CDH13: variants seen among roughly 807,000 people sequenced by gnomAD.
The protein encoded by CDH13 is cadherin-13.
In CDH13, 24 loss-of-function variants were observed where a neutral mutation model predicts 63.8. The ratio of observed to expected loss-of-function variants is 0.38; its 90% CI spans 0.27 to 0.53. The LOEUF is 0.53. Among genes scored for constraint, CDH13 ranks in the 20% least tolerant of loss-of-function variants. The pLI is 0.85. For synonymous variants in CDH13, 503 were observed against 355.3 expected (o/e 1.42, Z -4.67); for missense variants, 1,049 against 903.1 (o/e 1.16, Z -2.07).
chr16:83,656,943 C>G (rs1000288733), intron 8 of CDH13, among the ~76,000 whole-genome samples: 7 of 152,214 alleles, frequency 4.6e-5, no homozygotes, highest in African/African-American at 9.7e-5. Context: ...GGAATGCCAG[C>G]TCTTGGGCTC....
rs940191722 is a variant in CDH13 at position 82,808,771 on chromosome 16, G to A, written c.46-49591G>A. ...GAAAATTGAGGCACAAAGGGGTTAA[G>A]CAGTCTTCCCAAACTTACCCAGTTA... is the stretch of plus-strand genomic sequence containing the variant. On this transcript the variant is annotated intron_variant, in intron 1 of 13. Transcript: ENST00000567109. 4.6e-5 allele frequency among the ~76,000 whole-genome samples: 7 copies of A among 152,132 alleles called. No homozygotes were observed. In the East Asian group the frequency reaches 1.3e-3, roughly 29 times the overall value.
intron 10 of CDH13, among the ~76,000 whole-genome samples, chr16:83,709,210 A>G (rs1318090344): frequency 6.6e-6 from 1 of 152,188 alleles, no homozygotes; most frequent in African/African-American, 2.4e-5. Flanking sequence ...TCTGCCCTGA[A>G]GATTCTAAAA....
Position 83,265,727 on chromosome 16 carries a change from C to CTTTTTTTTTTTTTTTTTTTTTTT in CDH13, c.636+48234_636+48256dup, listed in dbSNP as rs71272416. 7.1e-5 allele frequency among the ~76,000 whole-genome samples: 3 copies of CTTTTTTTTTTTTTTTTTTTTTTT among 42,542 alleles called. 1 individual carries two copies. The highest frequency in any genetic ancestry group is 2.3e-4 in the African/African-American group (2 of 8,584). 27.9% of individuals were successfully genotyped at this position (42,542 alleles called of 152,430 possible). A position where few individuals can be genotyped will look rare whatever the true frequency, so the allele number is the denominator to read the frequency against. On this transcript the variant is annotated intron_variant, in intron 5 of 13. Transcript: ENST00000567109. Reference sequence around the variant, plus strand: ...GTTTTCTGTTGCTTCTAAATTTCTGCTTTTTTTTTTTTTTTTTTTTTTTTT... The same window carrying CTTTTTTTTTTTTTTTTTTTTTTT: ...GTTTTCTGTTGCTTCTAAATTTCTGCTTTTTTTTTTTTTTTTTTTTTTTTTTTTTTTTTTTTTTTTTTTTTTTT...
chr16:82,781,264 A>C (rs2151114830), intron 1 of CDH13, among the ~76,000 whole-genome samples: 1 of 152,310 alleles, frequency 6.6e-6, no homozygotes, highest in South Asian at 2.1e-4. Flanking sequence ...CTATAGCTTG[A>C]AATTACAGCA....
chr16:83,087,647 G>A (rs947786165), intron 3 of CDH13, among the ~76,000 whole-genome samples: 2 of 113,246 alleles, frequency 1.8e-5, no homozygotes, highest in African/African-American at 6.9e-5. Context: ...CAGCCCGGGC[G>A]ACGAAGCAAG....
chr16:82,631,179 C>T (rs1353292631), intron 1 of CDH13, among the ~76,000 whole-genome samples: 1 of 152,164 alleles, frequency 6.6e-6, no homozygotes, highest in Non-Finnish European at 1.5e-5. Context: ...CATTCTTTGA[C>T]TCTGTATCCC....
chr16:82,883,635 T>TC (rs1320842262), intron 2 of CDH13, among the ~76,000 whole-genome samples: 1 of 152,186 alleles, frequency 6.6e-6, no homozygotes, highest in African/African-American at 2.4e-5. Context: ...AAATTTCAGT[T>TC]CCTCATCTCT....
At chr16:83,265,034 G>C (rs74531952) in intron 5 of CDH13, among the ~76,000 whole-genome samples, 1 of 151,984 alleles carries the variant, frequency 6.6e-6, no homozygotes, top group Non-Finnish European at 1.5e-5. Flanking sequence ...CATTTGTTTA[G>C]TGTTCTATGT....
At chr16:83,786,561 TTTTC>T (rs1293972950) in intron 13 of CDH13, among the ~76,000 whole-genome samples, 1 of 147,582 alleles carries the variant, frequency 6.8e-6, no homozygotes, top group Non-Finnish European at 1.5e-5. Flanking sequence ...TTTGTCTTTC[TTTTC>T]TTTTTTTCCT....
At chr16:82,800,163 T>C (rs1567548262) in intron 1 of CDH13, among the ~76,000 whole-genome samples, 1 of 152,216 alleles carries the variant, frequency 6.6e-6, no homozygotes, top group Non-Finnish European at 1.5e-5. Context: ...ACTTTTCCTT[T>C]ATGTGTTTAC....
intron 5 of CDH13, among the ~76,000 whole-genome samples, chr16:83,309,344 G>T (rs149223603): frequency 2.6e-5 from 4 of 151,594 alleles, no homozygotes; most frequent in Non-Finnish European, 5.9e-5. Flanking sequence ...TCCTTTGAGG[G>T]TCCAGGTCAG....
chr16:83,319,342 G>C (rs1234811534), intron 5 of CDH13, among the ~76,000 whole-genome samples: 1 of 152,180 alleles, frequency 6.6e-6, no homozygotes, highest in Non-Finnish European at 1.5e-5. Context: ...TTCTCTGCCA[G>C]CAAAGGTAGC....
chr16:82,760,677 C>T (rs141997682), intron 1 of CDH13, among the ~76,000 whole-genome samples: 2 of 152,044 alleles, frequency 1.3e-5, no homozygotes, highest in South Asian at 2.1e-4. Context: ...CCTGAGGCCG[C>T]GTAATATTTA....
At chr16:83,294,110 C>A (rs1435560359) in intron 5 of CDH13, among the ~76,000 whole-genome samples, 1 of 151,782 alleles carries the variant, frequency 6.6e-6, no homozygotes, top group African/African-American at 2.4e-5. Flanking sequence ...CCTTTCTTTT[C>A]TAAAATTGAC....
intron 1 of CDH13, among the ~76,000 whole-genome samples, chr16:82,677,042 G>C (rs1406594275): frequency 6.6e-6 from 1 of 151,980 alleles, no homozygotes; most frequent in Non-Finnish European, 1.5e-5. Flanking sequence ...TGCCACCACA[G>C]CCAGCTAATT....
intron 6 of CDH13, among the ~76,000 whole-genome samples, chr16:83,422,192 TC>T (rs1458860076): frequency 6.6e-6 from 1 of 152,216 alleles, no homozygotes; most frequent in African/African-American, 2.4e-5. Context: ...TCTGGATTTT[TC>T]CATAATACTA....
At chr16:83,326,849 ACTCCTAAGC>A (rs2090374134) in intron 5 of CDH13, among the ~76,000 whole-genome samples, 1 of 152,016 alleles carries the variant, frequency 6.6e-6, no homozygotes, top group Non-Finnish European at 1.5e-5. Flanking sequence ...CCCTGTCTGT[ACTCCTAAGC>A]CCAGAACCTA....
At chr16:83,145,952 GGGAGGCCGAGGCGGGT>G (rs1178197933) in intron 4 of CDH13, among the ~76,000 whole-genome samples, 1 of 152,118 alleles carries the variant, frequency 6.6e-6, no homozygotes, top group Non-Finnish European at 1.5e-5. Context: ...CTGGAACTTT[GGGAGGCCGAGGCGGGT>G]GGATTACCTG....
chr16:83,627,708 T>A (rs966361395), intron 8 of CDH13, among the ~76,000 whole-genome samples: 3 of 152,086 alleles, frequency 2.0e-5, no homozygotes, highest in Non-Finnish European at 4.4e-5. Context: ...ACGCCACTGT[T>A]ACCGGAAAGA....
Sources: allele counts gnomAD v4.1 joint callset (sites outside exome capture counted in the v4.1 genomes callset), GRCh38; gene constraint gnomAD v4.1.1; transcripts MANE v1.5; gene names NCBI Gene and HGNC (gene_info 2026-07-23, HGNC 2026-07-21).